COL24A1: variants seen among roughly 807,000 people sequenced by gnomAD.
COL24A1 encodes collagen alpha-1(XXIV) chain.
In COL24A1, 224 loss-of-function variants were observed where a neutral mutation model predicts 253.9. The ratio of observed to expected loss-of-function variants is 0.88; its 90% CI spans 0.79 to 0.99. COL24A1 has a LOEUF of 0.99. Among genes scored for constraint, COL24A1 ranks in the 50% least tolerant of loss-of-function variants. The probability of loss-of-function intolerance (pLI) is 0.00; values close to 1 mark genes in which losing one functional copy is unlikely to be tolerated. For synonymous variants in COL24A1, 685 were observed against 673.7 expected (o/e 1.02, Z -0.26); for missense variants, 2,131 against 2,068.5 (o/e 1.03, Z -0.59).
intron 55 of COL24A1, among the ~76,000 whole-genome samples, chr1:85,758,745 A>G (rs1033732406): frequency 4.6e-5 from 7 of 152,182 alleles, no homozygotes; most frequent in African/African-American, 1.7e-4. Flanking sequence ...TCACACAAAC[A>G]TACATATATT....
At chr1:85,830,376 T>C (rs1570805725) in intron 43 of COL24A1, among the ~76,000 whole-genome samples, 3 of 152,262 alleles carry the variant, frequency 2.0e-5, no homozygotes, top group East Asian at 1.9e-4. Flanking sequence ...TGTCTTTTTG[T>C]CTGTCTGTGC....
At chr1:85,824,757 A>T (rs6698139) in intron 43 of COL24A1, among the ~76,000 whole-genome samples, 66,072 of 151,846 alleles carry the variant, frequency 0.44, 15,216 homozygotes, top group African/African-American at 0.53. Context: ...CTGCGTGTAA[A>T]TTCTTTTATC....
Position 85,926,151 on chromosome 1 carries a change from C to A in COL24A1, c.2563-14718G>T, listed in dbSNP as rs576255961. Among the ~76,000 whole-genome samples the A allele has an allele frequency of 7.8e-4, 119 of 152,180 alleles. 5 individuals are homozygous for A. In the South Asian group the frequency reaches 0.024, roughly 31 times the overall value. ...TACCAGCTCACCCCAGTTAGAATGG[C>A]GATCATTAAAAAGTCAGGAAACAAC... On this transcript the variant is annotated intron_variant, in intron 24 of 59. Transcript: ENST00000370571.
At chr1:85,768,381 TATTTGCTATGTAGAGAATAG>T (rs1452698557) in intron 53 of COL24A1, among the ~76,000 whole-genome samples, 1 of 152,142 alleles carries the variant, frequency 6.6e-6, no homozygotes, top group African/African-American at 2.4e-5. Flanking sequence ...AATATCACTC[TATTTGCTATGTAGAGAATAG>T]ATCGTAGTGG....
intron 8 of COL24A1, among the ~76,000 whole-genome samples, chr1:86,063,426 A>C (rs146239914): frequency 6.6e-6 from 1 of 151,824 alleles, no homozygotes; most frequent in Non-Finnish European, 1.5e-5. Context: ...AAGGATTCAT[A>C]GTATTTATGA....
intron 14 of COL24A1, among the ~76,000 whole-genome samples, chr1:86,024,932 T>A (rs893517324): frequency 2.6e-5 from 4 of 152,180 alleles, no homozygotes; most frequent in African/African-American, 7.2e-5. Flanking sequence ...TTCAGATGAA[T>A]GTACTTTGTA....
intron 24 of COL24A1, among the ~76,000 whole-genome samples, chr1:85,948,634 T>C (rs1034651609): frequency 2.6e-5 from 4 of 151,424 alleles, no homozygotes; most frequent in African/African-American, 9.7e-5. Flanking sequence ...AATGTCATCA[T>C]GTGTTTCTGT....
chr1:85,912,659 A>T (rs940460954), intron 24 of COL24A1, among the ~76,000 whole-genome samples: 2 of 152,174 alleles, frequency 1.3e-5, no homozygotes, highest in African/African-American at 2.4e-5. Flanking sequence ...TAATCTTCAC[A>T]ACCAGCAGAT....
intron 39 of COL24A1, among the ~76,000 whole-genome samples, chr1:85,846,396 A>G (rs993532630): frequency 2.0e-5 from 3 of 151,900 alleles, no homozygotes; most frequent in Non-Finnish European, 4.4e-5. Flanking sequence ...AAGTTTGACT[A>G]TATAAAAATT....
intron 39 of COL24A1, among the ~76,000 whole-genome samples, chr1:85,844,231 A>G (rs1676930135): frequency 6.6e-6 from 1 of 152,128 alleles, no homozygotes; most frequent in African/African-American, 2.4e-5. Flanking sequence ...TATAGGTCAC[A>G]TCCTCTGGCT....
At chr1:85,782,666 A>G (rs1004005997) in intron 51 of COL24A1, among the ~76,000 whole-genome samples, 1 of 152,196 alleles carries the variant, frequency 6.6e-6, no homozygotes, top group Non-Finnish European at 1.5e-5. Flanking sequence ...GGATTTTAGA[A>G]GTTTGACTTT....
intron 19 of COL24A1, among the ~76,000 whole-genome samples, chr1:85,994,408 C>A: frequency 1.0e-5 from 1 of 96,256 alleles, no homozygotes; most frequent in Non-Finnish European, 2.3e-5. Flanking sequence ...TCAAAGTTAT[C>A]CTGAAAAAAA....
In COL24A1 at chr1:85,738,664, T is replaced by C. The variant is rs143497650; in HGVS notation, c.4673-1159A>G. On this transcript the variant is annotated intron_variant, in intron 57 of 59. Coordinates refer to ENST00000370571, the MANE Select transcript of COL24A1 (RefSeq NM_152890.7). Reference sequence around the variant, plus strand: ...CGCAAGAACATTCAATGGTTTTTGTTAAATGTCATTTTTTCTACAGTAGGC... The same window carrying C: ...CGCAAGAACATTCAATGGTTTTTGTCAAATGTCATTTTTTCTACAGTAGGC... 9.2e-3 allele frequency among the ~76,000 whole-genome samples: 1,409 copies of C among 152,328 alleles called. 56 individuals are homozygous for C. The highest frequency in any genetic ancestry group is 0.062 in the Admixed American group (955 of 15,308).
chr1:85,908,552 A>G (rs751031794), intron 27 of COL24A1, 46 bp downstream of exon 27: 1 of 1,085,884 alleles, frequency 9.2e-7, no homozygotes, highest in Admixed American at 2.9e-5. Context: ...AGTTTAAATT[A>G]AAGTAAACAT....
rs1700196486 is a variant in COL24A1 at position 86,050,128 on chromosome 1, TCTCCTTC to T, written c.1894_1900del (p.Glu632AsnfsTer38). Reference sequence around the variant, plus strand: ...ATTTGAAGGGAATGGACTTACCCGTTCTCCTTCAGGTCCCAGTTGTCCCGCTTCTCCA... The same window carrying T: ...ATTTGAAGGGAATGGACTTACCCGTTAGGTCCCAGTTGTCCCGCTTCTCCA... On this transcript the variant is annotated frameshift_variant, in exon 11 of 60. Transcript: ENST00000370571. LOFTEE classifies it high-confidence loss of function. 1 of 1,613,070 alleles carries T rather than the reference TCTCCTTC, an allele frequency of 6.2e-7. No individual in the cohort carries two copies. Among genetic ancestry groups the T allele is most frequent in the Admixed American group, 1.7e-5 (1 of 59,984 alleles).
intron 20 of COL24A1, among the ~76,000 whole-genome samples, chr1:85,975,027 T>C (rs1373746373): frequency 6.6e-6 from 1 of 152,034 alleles, no homozygotes; most frequent in Non-Finnish European, 1.5e-5. Flanking sequence ...AATGAGAAAA[T>C]GTTCAACATT....
At chr1:85,958,969 G>T (rs946824171) in intron 24 of COL24A1, among the ~76,000 whole-genome samples, 4 of 152,088 alleles carry the variant, frequency 2.6e-5, no homozygotes, top group African/African-American at 9.7e-5. Context: ...ATCACAAATT[G>T]AATTCTAACT....
At chr1:85,879,724 A>G (rs1277790851) in intron 32 of COL24A1, among the ~76,000 whole-genome samples, 1 of 152,188 alleles carries the variant, frequency 6.6e-6, no homozygotes, top group African/African-American at 2.4e-5. Flanking sequence ...GTGGAAGTAG[A>G]GCATCATCAA....
intron 57 of COL24A1, among the ~76,000 whole-genome samples, chr1:85,741,237 C>T (rs541376037): frequency 6.6e-6 from 1 of 152,170 alleles, no homozygotes; most frequent in South Asian, 2.1e-4. Context: ...CTTTCGTTGT[C>T]TGCTGTTTCT....
Sources: allele counts gnomAD v4.1 joint callset (sites outside exome capture counted in the v4.1 genomes callset), GRCh38; gene constraint gnomAD v4.1.1; transcripts MANE v1.5; gene names NCBI Gene and HGNC (gene_info 2026-07-23, HGNC 2026-07-21).